The following ZMAT4 variants were observed in gnomAD, a reference collection of about 807,000 sequenced individuals.
The protein encoded by ZMAT4 is zinc finger matrin-type 4, also known as zinc finger matrin-type protein 4.
Under a neutral mutation model 28.7 loss-of-function variants are expected in ZMAT4, and 17 were observed. The ratio of observed to expected loss-of-function variants is 0.59; its 90% CI spans 0.41 to 0.89. The LOEUF (loss-of-function observed/expected upper bound fraction) is 0.89. Among genes scored for constraint, ZMAT4 ranks in the 40% least tolerant of loss-of-function variants. ZMAT4 has a pLI of 0.00. For missense variants in ZMAT4, 240 were observed against 283.8 expected (o/e 0.85, Z 1.11); for synonymous variants, 117 against 109.2 (o/e 1.07, Z -0.44).
At chr8:40,737,469 C>A (rs1258271606) in intron 3 of ZMAT4, among the ~76,000 whole-genome samples, 1 of 151,970 alleles carries the variant, frequency 6.6e-6, no homozygotes, top group East Asian at 1.9e-4. Flanking sequence ...GAAGAAAAGT[C>A]ACTGAATCCA....
At chr8:40,606,493 C>T (rs1295620134) in intron 5 of ZMAT4, among the ~76,000 whole-genome samples, 1 of 152,158 alleles carries the variant, frequency 6.6e-6, no homozygotes, top group Admixed American at 6.5e-5. Flanking sequence ...TTTAAGGAGG[C>T]TAAAGATAGG....
At chr8:40,644,240 C>T (rs922621679) in intron 5 of ZMAT4, among the ~76,000 whole-genome samples, 1 of 152,102 alleles carries the variant, frequency 6.6e-6, no homozygotes, top group African/African-American at 2.4e-5. Context: ...CCTAAGCAAG[C>T]AACCTAGCAC....
intron 5 of ZMAT4, among the ~76,000 whole-genome samples, chr8:40,645,960 A>C (rs200065695): frequency 1.3e-5 from 2 of 152,060 alleles, no homozygotes; most frequent in East Asian, 3.9e-4. Flanking sequence ...TAATCTCCTT[A>C]TTGTGAGTTA....
intron 5 of ZMAT4, among the ~76,000 whole-genome samples, chr8:40,604,806 C>A (rs762569461): frequency 1.1e-4 from 17 of 152,150 alleles, no homozygotes; most frequent in Non-Finnish European, 7.4e-5. Flanking sequence ...GGTATCAATT[C>A]TTCTATGAAT....
At chr8:40,533,487 T>C (rs925058129) in intron 6 of ZMAT4, among the ~76,000 whole-genome samples, 1 of 152,230 alleles carries the variant, frequency 6.6e-6, no homozygotes, top group Admixed American at 6.5e-5. Context: ...TTCACAGGTT[T>C]TCCCATCTTC....
At chr8:40,821,163 C>T (rs1394631500) in intron 2 of ZMAT4, among the ~76,000 whole-genome samples, 1 of 152,000 alleles carries the variant, frequency 6.6e-6, no homozygotes, top group African/African-American at 2.4e-5. Context: ...CTTTTTCCTA[C>T]GTTGCAGAAA....
intron 1 of ZMAT4, among the ~76,000 whole-genome samples, chr8:40,874,210 C>T (rs1798159874): frequency 6.6e-6 from 1 of 152,190 alleles, no homozygotes; most frequent in African/African-American, 2.4e-5. Context: ...GCCTGCTGTG[C>T]CCAGTGCTCC....
At chr8:40,605,790 C>T (rs897106445) in intron 5 of ZMAT4, among the ~76,000 whole-genome samples, 3 of 152,026 alleles carry the variant, frequency 2.0e-5, no homozygotes, top group African/African-American at 7.2e-5. Context: ...TATTGTGTTG[C>T]TGTCTATCTC....
chr8:40,683,229 A>G (rs1357142242), intron 4 of ZMAT4, among the ~76,000 whole-genome samples: 5 of 152,216 alleles, frequency 3.3e-5, no homozygotes, highest in African/African-American at 9.6e-5. Context: ...CTGCAGGTAT[A>G]ACGATGAATG....
At position 40,674,762 on chromosome 8, in the gene ZMAT4, C is replaced by T. The variant is rs747874868; in HGVS notation, c.519G>A (p.Ala173=). ...GTTGTTCTAACAAAGCAACTCTTGC[C>T]GCATTCTTTTTGTGTTTCTTGCCAT... is the stretch of plus-strand genomic sequence containing the variant. ...HYDGKKHKKN[A]ARVALLEQLG... Residue 173 remains alanine (A), a synonymous_variant, in exon 5 of 7, where the codon GCG becomes GCA. Coordinates refer to ENST00000297737, the MANE Select transcript of ZMAT4 (RefSeq NM_024645.3). 1.3e-5 allele frequency: 21 copies of T among 1,613,824 alleles called. No individual in the cohort carries two copies. Among genetic ancestry groups the T allele is most frequent in the Admixed American group, 6.7e-5 (4 of 59,984 alleles).
At chr8:40,890,880 T>C (rs761709980) in intron 1 of ZMAT4, among the ~76,000 whole-genome samples, 1 of 152,006 alleles carries the variant, frequency 6.6e-6, no homozygotes, top group Non-Finnish European at 1.5e-5. Flanking sequence ...ATCCACCTGA[T>C]GGTACCTATT....
At chr8:40,578,346 C>T (rs186409020) in intron 6 of ZMAT4, among the ~76,000 whole-genome samples, 6 of 152,038 alleles carry the variant, frequency 3.9e-5, no homozygotes, top group African/African-American at 1.4e-4. Flanking sequence ...TCACACTATG[C>T]ATAAAATTAA....
Position 40,598,433 on chromosome 8 carries a change from A to G in ZMAT4, c.578-17172T>C, listed in dbSNP as rs141240322. On this transcript the variant is annotated intron_variant, in intron 5 of 6. Coordinates refer to ENST00000297737, the MANE Select transcript of ZMAT4 (RefSeq NM_024645.3). ...TGTGTCCCTGTATTCTCATTGTTCA[A>G]CTGTCACTTATGAGTGAGAACATGT... 4.8e-3 allele frequency among the ~76,000 whole-genome samples: 733 copies of G among 152,188 alleles called. 5 individuals carry two copies. Among genetic ancestry groups the G allele is most frequent in the African/African-American group, 0.017 (700 of 41,524 alleles).
At chr8:40,827,322 C>T (rs774644192) in intron 1 of ZMAT4, among the ~76,000 whole-genome samples, 8 of 152,162 alleles carry the variant, frequency 5.3e-5, no homozygotes, top group Non-Finnish European at 8.8e-5. Flanking sequence ...CCGTAAAACT[C>T]TCTGCATTTG....
At chr8:40,841,526 G>A (rs1255207917) in intron 1 of ZMAT4, among the ~76,000 whole-genome samples, 1 of 152,078 alleles carries the variant, frequency 6.6e-6, no homozygotes, top group African/African-American at 2.4e-5. Context: ...ACCCAAGCTG[G>A]GTCAGTGCCC....
At chr8:40,601,649 A>AGAAAGCAGGCAGGC (rs1805376622) in intron 5 of ZMAT4, among the ~76,000 whole-genome samples, 1 of 30,106 alleles carries the variant, frequency 3.3e-5, no homozygotes, top group Non-Finnish European at 7.5e-5. Context: ...AGAAAGAAAG[A>AGAAAGCAGGCAGGC]AAGAAAGAAA....
chr8:40,859,143 G>A (rs1478940468), intron 1 of ZMAT4, among the ~76,000 whole-genome samples: 4 of 152,196 alleles, frequency 2.6e-5, no homozygotes, highest in Admixed American at 2.0e-4. Flanking sequence ...AGGATTGTGT[G>A]TTCCTGGGAA....
rs1467296698 is a variant in ZMAT4, at chr8:40,869,389, G to T, written c.-5+28294C>A. 3.3e-5 allele frequency among the ~76,000 whole-genome samples: 5 copies of T among 151,990 alleles called. No individual in the cohort carries two copies. In the East Asian group the frequency reaches 9.7e-4, roughly 29 times the overall value. ...TTGTTTTGTTTTGTTTTTGTTTTTTGCCCACAAGAAAGGAACATAATGCTG... is the reference window on the plus strand; with the variant it reads ...TTGTTTTGTTTTGTTTTTGTTTTTTTCCCACAAGAAAGGAACATAATGCTG... On this transcript the variant is annotated intron_variant, in intron 1 of 6. Transcript: ENST00000297737.
intron 5 of ZMAT4, among the ~76,000 whole-genome samples, chr8:40,632,679 G>A (rs2589871): frequency 0.48 from 72,980 of 151,994 alleles, 19,197 homozygotes; most frequent in Non-Finnish European, 0.6. Context: ...AGCCTGCAGA[G>A]GGAGCACAGC....
Sources: allele counts gnomAD v4.1 joint callset (sites outside exome capture counted in the v4.1 genomes callset), GRCh38; gene constraint gnomAD v4.1.1; transcripts MANE v1.5; gene names NCBI Gene and HGNC (gene_info 2026-07-23, HGNC 2026-07-21).